The following TNPO1 variants were observed in gnomAD, a reference collection of about 807,000 sequenced individuals.
The protein encoded by TNPO1 is transportin-1.
In TNPO1, 8 loss-of-function variants were observed where a neutral mutation model predicts 119.5. The ratio of observed to expected loss-of-function variants is 0.07; its 90% CI spans 0.04 to 0.12. TNPO1 has a LOEUF of 0.12. TNPO1 is among the 10% of genes least tolerant of loss of function. The pLI is 1.00. For missense variants in TNPO1, 576 were observed against 1,089.8 expected, an observed-to-expected ratio of 0.53 and a Z score of 6.64; for synonymous variants, 362 against 363.0, an observed-to-expected ratio of 1.00 and a Z score of 0.03.
intron 8 of TNPO1, among the ~76,000 whole-genome samples, chr5:72,876,826 G>A (rs985450178): frequency 6.6e-6 from 1 of 152,170 alleles, no homozygotes; most frequent in Non-Finnish European, 1.5e-5. Context: ...CGGGTGCGGT[G>A]GCTCACACCT....
At chr5:72,829,493 C>G (rs1226935797) in intron 1 of TNPO1, among the ~76,000 whole-genome samples, 10 of 152,350 alleles carry the variant, frequency 6.6e-5, no homozygotes, top group African/African-American at 2.4e-4. Flanking sequence ...AATCAGGTAA[C>G]TTAGACCCAG....
At chr5:72,825,248 G>T (rs1336519119) in intron 1 of TNPO1, among the ~76,000 whole-genome samples, 2 of 152,062 alleles carry the variant, frequency 1.3e-5, no homozygotes, top group Non-Finnish European at 2.9e-5. Context: ...TAAACCTTTC[G>T]CAAATTAAGA....
chr5:72,880,569 C>G lies in TNPO1; in HGVS notation c.921-1898C>G, dbSNP rs137898460. Among the ~76,000 whole-genome samples, 438 of 152,278 alleles carry G rather than the reference C, an allele frequency of 2.9e-3. 8 individuals carry two copies. The South Asian group carries it at 0.03, about 10-fold the overall frequency. On this transcript the variant is annotated intron_variant, in intron 9 of 24. Coordinates refer to ENST00000337273, the MANE Select transcript of TNPO1 (RefSeq NM_002270.4). ...GTGGCTTATGCCTGTAATCCCAGCA[C>G]TTTGGGAGTCCAAGGCGGGTGTATC...
At chr5:72,891,778 G>C in intron 14 of TNPO1, 32 bp from the exon 15 acceptor site, 1 of 1,479,672 alleles carries the variant, frequency 6.8e-7, no homozygotes, top group Non-Finnish European at 9.3e-7. Flanking sequence ...TGTGATAGTG[G>C]AATTTTATAT....
chr5:72,833,200 A>G (rs1744554138), intron 1 of TNPO1, among the ~76,000 whole-genome samples: 1 of 152,212 alleles, frequency 6.6e-6, no homozygotes, highest in African/African-American at 2.4e-5. Flanking sequence ...TAGCAATATT[A>G]GATAAAAATT....
chr5:72,877,597 T>G (rs1747893754), intron 9 of TNPO1, among the ~76,000 whole-genome samples: 1 of 152,026 alleles, frequency 6.6e-6, no homozygotes, highest in African/African-American at 2.4e-5. Flanking sequence ...TTTTGTGGGG[T>G]TTTTTTGTTT....
chr5:72,869,229 A>G (rs1747184665), intron 6 of TNPO1, among the ~76,000 whole-genome samples: 1 of 152,170 alleles, frequency 6.6e-6, no homozygotes, highest in East Asian at 1.9e-4. Context: ...CAGTTTTACA[A>G]CATATAAAAT....
At chr5:72,887,607 C>T (rs1748743773) in intron 12 of TNPO1, among the ~76,000 whole-genome samples, 2 of 152,160 alleles carry the variant, frequency 1.3e-5, no homozygotes, top group African/African-American at 4.8e-5. Flanking sequence ...ATTGCTTGGA[C>T]CTGGGAAGTG....
chr5:72,878,726 G>A (rs266436), intron 9 of TNPO1: 187,835 of 226,636 alleles, frequency 0.83, 78,274 homozygotes, highest in Non-Finnish European at 0.86. Context: ...ACTTTGTAAT[G>A]CCACTTTAAT....
intron 24 of TNPO1, among the ~76,000 whole-genome samples, chr5:72,908,165 T>A (rs561070580): frequency 3.6e-4 from 55 of 152,174 alleles, no homozygotes; most frequent in Non-Finnish European, 6.5e-4. Context: ...AATGAACACT[T>A]CTAGTGCCTT....
intron 1 of TNPO1, among the ~76,000 whole-genome samples, chr5:72,823,477 A>C (rs1231719353): frequency 6.6e-6 from 1 of 152,018 alleles, no homozygotes; most frequent in Non-Finnish European, 1.5e-5. Flanking sequence ...TTGCCATTTC[A>C]TGTGTTCTGC....
intron 22 of TNPO1, among the ~76,000 whole-genome samples, chr5:72,903,325 C>T (rs1174915201): frequency 6.6e-6 from 1 of 152,092 alleles, no homozygotes; most frequent in African/African-American, 2.4e-5. Context: ...TAATTTCTTT[C>T]TAGGCCAGTC....
intron 2 of TNPO1, among the ~76,000 whole-genome samples, chr5:72,850,915 C>A (rs1745497086): frequency 6.6e-6 from 1 of 151,860 alleles, no homozygotes; most frequent in Non-Finnish European, 1.5e-5. Context: ...GCTTAAATAC[C>A]TTTCTATTTA....
chr5:72,897,989 T>C (rs1275050731), intron 20 of TNPO1, among the ~76,000 whole-genome samples: 7 of 152,174 alleles, frequency 4.6e-5, no homozygotes, highest in African/African-American at 1.7e-4. Context: ...TCTAATGCTA[T>C]TAAAATTGAT....
At chr5:72,871,305 A>T (rs971478167) in intron 6 of TNPO1, among the ~76,000 whole-genome samples, 1 of 152,130 alleles carries the variant, frequency 6.6e-6, no homozygotes, top group Non-Finnish European at 1.5e-5. Context: ...TGAGAAAAAC[A>T]CACTTTAAAG....
At chr5:72,859,532 T>A (rs539252706) in intron 4 of TNPO1, among the ~76,000 whole-genome samples, 1 of 152,344 alleles carries the variant, frequency 6.6e-6, no homozygotes, top group Non-Finnish European at 1.5e-5. Context: ...CTTTGGCTTT[T>A]AAAATTTTTA....
chr5:72,856,986 C>T (rs975598631), intron 4 of TNPO1, among the ~76,000 whole-genome samples: 24 of 152,122 alleles, frequency 1.6e-4, no homozygotes, highest in African/African-American at 5.6e-4. Context: ...TCTACCCAGG[C>T]TGGTTAAATG....
At chr5:72,836,240 G>C (rs986516974) in intron 1 of TNPO1, among the ~76,000 whole-genome samples, 1 of 152,258 alleles carries the variant, frequency 6.6e-6, no homozygotes, top group Non-Finnish European at 1.5e-5. Flanking sequence ...TGGGGCCTCT[G>C]CGGTGGCCCC....
intron 24 of TNPO1, among the ~76,000 whole-genome samples, chr5:72,906,264 CTTTTTTTTTTCTTTTTTTTTTTTTTT>C (rs1214374948): frequency 1.1e-5 from 1 of 90,238 alleles, no homozygotes. Flanking sequence ...GTGCCCATCA[CTTTTTTTTTTCTTTTTTTTTTTTTTT>C]TTTTTTTTTT....
Sources: gnomAD v4.1 joint callset for allele counts (sites outside exome capture counted in the v4.1 genomes callset) on GRCh38, gnomAD v4.1.1 for gene constraint, MANE v1.5 for transcripts, NCBI Gene and HGNC (gene_info 2026-07-23, HGNC 2026-07-21) for gene names.